SH3BP2: variants seen among roughly 807,000 people sequenced by gnomAD.
SH3BP2 encodes the protein SH3 domain-binding protein 2.
SH3BP2 carries 38 observed loss-of-function variants against 56.2 expected under a neutral mutation model. That is an observed-to-expected ratio of 0.68 (90% CI 0.52 to 0.89). SH3BP2 has a LOEUF of 0.89. SH3BP2 is among the 40% of genes least tolerant of loss of function. SH3BP2 has a pLI of 0.00. For synonymous variants in SH3BP2, 346 were observed against 316.7 expected, an observed-to-expected ratio of 1.09 and a Z score of -0.98; for missense variants, 748 against 762.6, an observed-to-expected ratio of 0.98 and a Z score of 0.23.
At chr4:2,801,563 C>T (rs979960385) in intron 1 of SH3BP2, among the ~76,000 whole-genome samples, 3 of 152,198 alleles carry the variant, frequency 2.0e-5, no homozygotes, top group East Asian at 3.9e-4. Context: ...TCTCCCACCC[C>T]GATGCCTGCT....
chr4:2,809,893 A>C, intron 1 of SH3BP2: 2 of 859,624 alleles, frequency 2.3e-6, no homozygotes, highest in Non-Finnish European at 2.8e-6. Flanking sequence ...GCACCAGCTC[A>C]GGGGCAGGGG....
chr4:2,800,555 C>CCG (rs1723228648), intron 1 of SH3BP2, among the ~76,000 whole-genome samples: 1 of 151,654 alleles, frequency 6.6e-6, no homozygotes, highest in Non-Finnish European at 1.5e-5. Flanking sequence ...GACCGCCCCC[C>CCG]CCCCGGGCTG....
chr4:2,833,291 G>C, intron 12 of SH3BP2: 1 of 599,484 alleles, frequency 1.7e-6, no homozygotes, highest in Non-Finnish European at 3.0e-6. Flanking sequence ...CATAGACCCT[G>C]GGTTGCTTGT....
intron 1 of SH3BP2, chr4:2,818,611 G>A (rs1214056451): frequency 1.9e-5 from 12 of 648,444 alleles, no homozygotes; most frequent in South Asian, 7.2e-5. Flanking sequence ...AGCTCCCCGC[G>A]GGCGGACTGG....
intron 5 of SH3BP2, among the ~76,000 whole-genome samples, chr4:2,825,953 T>C (rs1724591790): frequency 6.6e-6 from 1 of 152,228 alleles, no homozygotes; most frequent in African/African-American, 2.4e-5. Flanking sequence ...GAACAAACCT[T>C]CCTGTCCTTT....
At position 2,831,268 on chromosome 4, in the gene SH3BP2, C is replaced by G. The variant is rs1213561102; in HGVS notation, c.1242-303C>G. ...TGGCCATGACCGGACCTCCCCTCCC[C>G]ACGAGCATCCAGAGCACTTGTTGAC... On this transcript the variant is annotated intron_variant, in intron 8 of 12. Transcript: ENST00000503393. The surrounding 1 kb of genome is among the most constrained non-coding windows in gnomAD (Gnocchi z 4.1). 6.6e-6 allele frequency among the ~76,000 whole-genome samples: 1 copy of G among 152,226 alleles called. No individual in the cohort carries two copies. Among genetic ancestry groups the G allele is most frequent in the Non-Finnish European group, 1.5e-5 (1 of 68,038 alleles).
chr4:2,839,208 G>C lies in SH3BP2; in HGVS notation c.*5374G>C, dbSNP rs900766063. 1.5e-4 allele frequency: 21 copies of C among 141,784 alleles called. No individual in the cohort carries two copies. The highest frequency in any genetic ancestry group is 1.2e-3 in the Admixed American group (17 of 13,670). 8.8% of individuals were successfully genotyped at this position (141,784 alleles called of 1,614,324 possible). ...TTTTTCTGAGACAGGGTCTCACTCT[G>C]TTGCCCTGGCTGGAGTGCAGTGGTG... On this transcript the variant is annotated 3_prime_UTR_variant, in exon 13 of 13. Transcript: ENST00000503393.
Position 2,829,438 on chromosome 4 carries a change from G to C in SH3BP2, c.587-55G>C. 1 of 1,586,490 alleles carries C rather than the reference G, an allele frequency of 6.3e-7. No individual in the cohort carries two copies. Among genetic ancestry groups the C allele is most frequent in the African/African-American group, 1.3e-5 (1 of 74,442 alleles). ...GCCTGGCTGACCACTGCCAGCAGAGGATAGTGTTGGCCCAGTCTCTGTCAG... is the reference window on the plus strand; with the variant it reads ...GCCTGGCTGACCACTGCCAGCAGAGCATAGTGTTGGCCCAGTCTCTGTCAG... On this transcript the variant is annotated intron_variant, in intron 7 of 12. Coordinates refer to ENST00000503393, the MANE Select transcript of SH3BP2 (RefSeq NM_001122681.2). The surrounding 1 kb of genome is among the most constrained non-coding windows in gnomAD (Gnocchi z 4.9).
chr4:2,801,109 A>G (rs540337622), intron 1 of SH3BP2, among the ~76,000 whole-genome samples: 2 of 151,514 alleles, frequency 1.3e-5, no homozygotes, highest in African/African-American at 2.4e-5. Flanking sequence ...GCCTGTCTTG[A>G]CCGCGGAGGA....
intron 1 of SH3BP2, among the ~76,000 whole-genome samples, chr4:2,807,102 C>A (rs981543664): frequency 5.9e-5 from 9 of 152,272 alleles, no homozygotes; most frequent in African/African-American, 1.7e-4. Flanking sequence ...GGGAACACTG[C>A]TGTCTCCAGT....
In SH3BP2 at chr4:2,833,754, G is replaced by GAGC; in HGVS notation, c.1608_1610dup (p.Glu536_His537insGln). On this transcript the variant is annotated inframe_insertion, in exon 13 of 13. Coordinates refer to ENST00000503393, the MANE Select transcript of SH3BP2 (RefSeq NM_001122681.2). ...GTTTGTGAGTGTGGGCAGCATGGTG[G>GAGC]AGCACTACCACACCCACGTGCTGCC... The GAGC allele has an allele frequency of 6.2e-7, 1 of 1,606,106 alleles. No individual in the cohort carries two copies.
intron 1 of SH3BP2, chr4:2,812,248 G>T: frequency 6.5e-7 from 1 of 1,530,810 alleles, no homozygotes. Flanking sequence ...GCAGGGAACA[G>T]GAAGTCCCGG....
intron 1 of SH3BP2, among the ~76,000 whole-genome samples, chr4:2,814,632 G>A (rs426904): frequency 0.79 from 120,139 of 152,206 alleles, 48,393 homozygotes; most frequent in African/African-American, 0.95. Context: ...AGCTTTGGCC[G>A]CCCAACGCTG....
At position 2,818,285 on chromosome 4, in the gene SH3BP2, AGGC is replaced by A. The variant is rs1471815918; in HGVS notation, c.-4-2319_-4-2317del. The stretch of plus-strand genomic sequence containing the variant: ...CGGCGGGAGGCGGGCGCCCGGGACG[AGGC>A]GGCGGCGGCCGGGGGACGCGGCCCG... On this transcript the variant is annotated intron_variant, in intron 1 of 12. Coordinates refer to ENST00000503393, the MANE Select transcript of SH3BP2 (RefSeq NM_001122681.2). 7.7e-6 allele frequency: 8 copies of A among 1,037,144 alleles called. No individual in the cohort carries two copies. In the South Asian group the frequency reaches 1.8e-4, roughly 23 times the overall value. 64.2% of individuals were successfully genotyped at this position (1,037,144 alleles called of 1,614,324 possible).
Position 2,831,772 on chromosome 4 carries a change from CTGA to C in SH3BP2, c.1350+94_1350+96del, listed in dbSNP as rs912844807. On this transcript the variant is annotated intron_variant, in intron 9 of 12. Coordinates refer to ENST00000503393, the MANE Select transcript of SH3BP2 (RefSeq NM_001122681.2). The surrounding 1 kb of genome is among the most constrained non-coding windows in gnomAD (Gnocchi z 4.1). ...CCAGGGCGGCCCCTCACAGACCGTC[CTGA>C]GCAAGGACCCCCCGAGAACCCGGGA... 8.8e-6 allele frequency: 12 copies of C among 1,362,986 alleles called. No homozygotes were observed. In the African/African-American group the frequency reaches 1.7e-4, roughly 20 times the overall value. 84.4% of individuals were successfully genotyped at this position (1,362,986 alleles called of 1,614,324 possible). A position where few individuals can be genotyped will look rare whatever the true frequency, so the allele number is the denominator to read the frequency against.
In SH3BP2 at chr4:2,835,519, T is replaced by A. The variant is rs1725200276; in HGVS notation, c.*1685T>A. The A allele has an allele frequency of 6.6e-6, 1 of 152,228 alleles. No homozygotes were observed. Among genetic ancestry groups the A allele is most frequent in the African/African-American group, 2.4e-5 (1 of 41,434 alleles). 9.4% of individuals were successfully genotyped at this position (152,228 alleles called of 1,614,324 possible). A position where few individuals can be genotyped will look rare whatever the true frequency, so the allele number is the denominator to read the frequency against. On this transcript the variant is annotated 3_prime_UTR_variant, in exon 13 of 13. Transcript: ENST00000503393. ...CTATCTCTGGAAAACCAGCCATTCC[T>A]CCTCCCTGCAGTCAGAATTCTTTGC...
Position 2,810,534 on chromosome 4 carries a change from C to T in SH3BP2, c.-4-10080C>T, listed in dbSNP as rs1011038019. 3.3e-5 allele frequency among the ~76,000 whole-genome samples: 5 copies of T among 151,930 alleles called. No individual in the cohort carries two copies. Among genetic ancestry groups the T allele is most frequent in the Non-Finnish European group, 7.4e-5 (5 of 67,966 alleles). ...GTAAGGGGTGGCGTGTTCCTGAGAG[C>T]GCCGGCTGCCTCTGGGTTCTTATCT... On this transcript the variant is annotated intron_variant, in intron 1 of 12. Transcript: ENST00000503393. The surrounding 1 kb of genome is among the most constrained non-coding windows in gnomAD (Gnocchi z 4.2).
intron 1 of SH3BP2, among the ~76,000 whole-genome samples, chr4:2,805,301 G>A (rs1036708294): frequency 6.6e-6 from 1 of 152,234 alleles, no homozygotes; most frequent in Non-Finnish European, 1.5e-5. Flanking sequence ...GCCTATCGAT[G>A]AGGATGCTGG....
rs1272255531 is a variant in SH3BP2, at chr4:2,820,637, A to G, written c.20A>G (p.His7Arg). The part of the protein sequence containing the change: MAAEEM[H>R]WPVPMKAIGA... ...AGCTTCATGGCGGCTGAAGAGATGC[A>G]TTGGCCTGTCCCTATGAAGGCCATT... The change falls in exon 2 of 13, where the codon CAT (histidine) becomes CGT (arginine). Residue 7 changes from histidine to arginine, a missense_variant. Physicochemically the swap from His to Arg is conservative, Grantham distance 29. This residue lies in a region of SH3BP2 where 104 missense variants were observed against 123.1 expected (regional missense o/e 0.84). Coordinates refer to ENST00000503393, the MANE Select transcript of SH3BP2 (RefSeq NM_001122681.2). 2 of 1,614,138 alleles carry G rather than the reference A, an allele frequency of 1.2e-6. No homozygotes were observed. The highest frequency in any genetic ancestry group is 1.1e-5 in the South Asian group (1 of 91,090).
Sources: allele counts gnomAD v4.1 joint callset (sites outside exome capture counted in the v4.1 genomes callset), GRCh38; gene constraint gnomAD v4.1.1; regional missense constraint gnomAD v4.1.1; non-coding constraint Gnocchi (gnomAD v3.1); transcripts MANE v1.5; gene names NCBI Gene and HGNC (gene_info 2026-07-23, HGNC 2026-07-21).